TMEM164: variants seen among roughly 807,000 people sequenced by gnomAD.
TMEM164 encodes transmembrane protein 164, also known as RP13-360B22.2.
Under a neutral mutation model 18.8 loss-of-function variants are expected in TMEM164, and 4 were observed. That is an observed-to-expected ratio of 0.21 (90% CI 0.10 to 0.49). TMEM164 has a LOEUF of 0.49. Ranked by LOEUF, TMEM164 falls within the 20% of genes least tolerant of loss-of-function variation. The probability of loss-of-function intolerance (pLI) is 0.98; values close to 1 mark genes in which losing one functional copy is unlikely to be tolerated. For missense variants in TMEM164, 108 were observed against 239.9 expected (o/e 0.45, Z 3.63); for synonymous variants, 86 against 101.7 (o/e 0.85, Z 0.93).
intron 2 of TMEM164, among the ~76,000 whole-genome samples, chrX:110,015,807 G>A (rs184874400): frequency 8.0e-5 from 9 of 112,089 alleles, no homozygotes; most frequent in Non-Finnish European, 1.5e-4. Flanking sequence ...TCTCCCTTCT[G>A]CTGCAGGGCA....
intron 2 of TMEM164, among the ~76,000 whole-genome samples, chrX:110,037,117 A>G (rs1053328006): frequency 7.2e-5 from 8 of 110,485 alleles, no homozygotes; most frequent in African/African-American, 2.6e-4. Context: ...AGCCGTAGAG[A>G]GAGAGAGAGA....
intron 4 of TMEM164, among the ~76,000 whole-genome samples, chrX:110,123,117 A>AT (rs2066474998): frequency 9.0e-6 from 1 of 111,343 alleles, no homozygotes; most frequent in Non-Finnish European, 1.9e-5. Flanking sequence ...GTCCAAATTC[A>AT]TTTTTTTCAT....
chrX:110,057,415 A>G (rs1467271751), intron 2 of TMEM164, among the ~76,000 whole-genome samples: 1 of 111,303 alleles, frequency 9.0e-6, no homozygotes, highest in Non-Finnish European at 1.9e-5. Flanking sequence ...ATGAACATTT[A>G]TCTTGTTTCT....
intron 5 of TMEM164, among the ~76,000 whole-genome samples, chrX:110,156,118 C>G: frequency 9.0e-6 from 1 of 111,640 alleles, no homozygotes; most frequent in East Asian, 2.9e-4. Flanking sequence ...GTTTGCCCAG[C>G]CTTCCTTGCT....
Position 110,176,596 on chromosome X carries a change from GT to G in TMEM164, c.*3150del. ...CCCTTTTGCTGTAGCCTCTGTTGAGGTTTTTATATTTGTGATCATTGGTAAT... is the reference window on the plus strand; with the variant it reads ...CCCTTTTGCTGTAGCCTCTGTTGAGGTTTTATATTTGTGATCATTGGTAAT... On this transcript the variant is annotated 3_prime_UTR_variant, in exon 7 of 7. Transcript: ENST00000372068. 1 of 153,401 alleles carries G rather than the reference GT, an allele frequency of 6.5e-6. No individual in the cohort carries two copies. The highest frequency in any genetic ancestry group is 1.1e-5 in the Non-Finnish European group (1 of 90,052). The allele number at this position is 153,401 out of a possible 1,213,427, so 12.6% of individuals were successfully genotyped here. A position where few individuals can be genotyped will look rare whatever the true frequency, so the allele number is the denominator to read the frequency against.
Position 110,100,101 on chromosome X carries a change from G to C in TMEM164, c.441-8979G>C, listed in dbSNP as rs140560678. Among the ~76,000 whole-genome samples, 179 of 111,680 alleles carry C rather than the reference G, an allele frequency of 1.6e-3. 1 individual carries two copies. The highest frequency in any genetic ancestry group is 5.7e-3 in the African/African-American group (174 of 30,789). On this transcript the variant is annotated intron_variant, in intron 3 of 6. Transcript: ENST00000372068. The stretch of plus-strand genomic sequence containing the variant: ...AGGAGCTTTTTTGTAGATTCCTTGG[G>C]ATTTTCCATACATATAATCACGTCC...
downstream of TMEM164, among the ~76,000 whole-genome samples, chrX:110,180,834 C>T (rs1309900085): frequency 8.9e-6 from 1 of 111,802 alleles, no homozygotes. Flanking sequence ...CAGCAGGCCT[C>T]TCTGCTCCCT....
chrX:110,109,029 T>C (rs749503020), intron 3 of TMEM164, 51 bp from the exon 4 acceptor site: 13 of 1,144,905 alleles, frequency 1.1e-5, no homozygotes, highest in Non-Finnish European at 1.6e-5. Flanking sequence ...TTTTTCTCCC[T>C]TTGTATCAGG....
In TMEM164 at chrX:110,135,256, GC is replaced by G. The variant is rs775133131; in HGVS notation, c.508-9540del. 5.5e-5 allele frequency among the ~76,000 whole-genome samples: 6 copies of G among 109,498 alleles called. No homozygotes were observed. In the South Asian group the frequency reaches 1.9e-3, roughly 35 times the overall value. On this transcript the variant is annotated intron_variant, in intron 4 of 6. Transcript: ENST00000372068. ...TTCTTCTAAAAAAAAAAAGGATCAT[GC>G]CTTATACAATATAGACTTGCTCTAT... is the stretch of plus-strand genomic sequence containing the variant.
At chrX:110,092,178 T>A (rs1326958994) in intron 3 of TMEM164, among the ~76,000 whole-genome samples, 1 of 111,937 alleles carries the variant, frequency 8.9e-6, no homozygotes, top group Non-Finnish European at 1.9e-5. Flanking sequence ...CTTAGGATTG[T>A]CTTGGCAATG....
chrX:110,135,535 C>T (rs1321547499), intron 4 of TMEM164, among the ~76,000 whole-genome samples: 1 of 111,841 alleles, frequency 8.9e-6, no homozygotes, highest in Non-Finnish European at 1.9e-5. Flanking sequence ...ACTGAATGGG[C>T]ATTTTAAAGT....
chrX:110,035,452 A>G (rs1411642567), intron 2 of TMEM164, among the ~76,000 whole-genome samples: 1 of 109,260 alleles, frequency 9.2e-6, no homozygotes, highest in Non-Finnish European at 1.9e-5. Context: ...CTTAATGCCT[A>G]TGTGGTACTC....
intron 2 of TMEM164, among the ~76,000 whole-genome samples, chrX:110,066,291 GCT>G (rs1806760141): frequency 9.0e-6 from 1 of 111,630 alleles, no homozygotes; most frequent in Non-Finnish European, 1.9e-5. Context: ...ATTAATAAGA[GCT>G]CTCAACAATA....
chrX:110,158,905 T>C (rs1434595443), intron 5 of TMEM164, among the ~76,000 whole-genome samples: 2 of 112,412 alleles, frequency 1.8e-5, no homozygotes, highest in Non-Finnish European at 3.8e-5. Context: ...AAGCTTCAGT[T>C]TTCTCATCTG....
At chrX:110,178,886 A>G (rs182146536), downstream of TMEM164, among the ~76,000 whole-genome samples, 102 of 112,285 alleles carry the variant, frequency 9.1e-4, 1 homozygote, top group Admixed American at 9.3e-3. Context: ...TAGTTTTGTT[A>G]GACCCCAAAG....
At chrX:110,090,977 G>A (rs754854483) in intron 3 of TMEM164, among the ~76,000 whole-genome samples, 4 of 109,660 alleles carry the variant, frequency 3.6e-5, no homozygotes, top group South Asian at 3.9e-4. Context: ...CTGTCCTTGC[G>A]ATAGTTTGTG....
At chrX:110,100,810 C>T (rs1233116615) in intron 3 of TMEM164, among the ~76,000 whole-genome samples, 1 of 110,445 alleles carries the variant, frequency 9.1e-6, no homozygotes, top group South Asian at 3.9e-4. Flanking sequence ...AGGATGGTCT[C>T]GATCTCCTGA....
chrX:110,057,278 T>C (rs1935885009), intron 2 of TMEM164, among the ~76,000 whole-genome samples: 1 of 112,135 alleles, frequency 8.9e-6, no homozygotes, highest in African/African-American at 3.2e-5. Flanking sequence ...TAAGATATTT[T>C]TCTTTCTGGC....
At chrX:110,145,584 C>T (rs2066842114) in intron 5 of TMEM164, among the ~76,000 whole-genome samples, 1 of 111,766 alleles carries the variant, frequency 8.9e-6, no homozygotes, top group Non-Finnish European at 1.9e-5. Context: ...TCTGAAAGGC[C>T]CTGTGACTGG....
Sources: allele counts gnomAD v4.1 joint callset (sites outside exome capture counted in the v4.1 genomes callset), GRCh38; gene constraint gnomAD v4.1.1; transcripts MANE v1.5; gene names NCBI Gene and HGNC (gene_info 2026-07-23, HGNC 2026-07-21).